TFCP2L1: variants seen among roughly 807,000 people sequenced by gnomAD.
TFCP2L1 encodes the protein transcription factor CP2 like 1.
A neutral mutation model predicts 72.2 loss-of-function variants in TFCP2L1; 12 were observed. That is an observed-to-expected ratio of 0.17 (90% CI 0.11 to 0.27). The LOEUF (loss-of-function observed/expected upper bound fraction) is 0.27. Ranked by LOEUF, TFCP2L1 falls within the 10% of genes least tolerant of loss-of-function variation. The pLI is 1.00. For synonymous variants in TFCP2L1, 260 were observed against 251.0 expected (o/e 1.04, Z -0.34); for missense variants, 488 against 624.6 (o/e 0.78, Z 2.33).
At chr2:121,259,850 C>A (rs577750850) in intron 2 of TFCP2L1, among the ~76,000 whole-genome samples, 14 of 152,126 alleles carry the variant, frequency 9.2e-5, no homozygotes, top group African/African-American at 3.4e-4. Flanking sequence ...TGAAAAAAAA[C>A]AACTAGGGAT....
chr2:121,242,037 C>G (rs1177673994), intron 7 of TFCP2L1, among the ~76,000 whole-genome samples: 2 of 135,476 alleles, frequency 1.5e-5, no homozygotes, highest in Non-Finnish European at 3.0e-5. Context: ...GTTGTACACT[C>G]TCTTGTACCT....
At position 121,285,116 on chromosome 2, in the gene TFCP2L1, A is replaced by C; in HGVS notation, c.-7T>G. On this transcript the variant is annotated 5_prime_UTR_variant, in exon 1 of 15. Transcript: ENST00000263707. ...GCGTGTGCCAGAAGAGCATGGCTGGAACTCCCAGCGCGCCGACCGGGGCGC... is the reference window on the plus strand; with the variant it reads ...GCGTGTGCCAGAAGAGCATGGCTGGCACTCCCAGCGCGCCGACCGGGGCGC... 1 of 1,500,560 alleles carries C rather than the reference A, an allele frequency of 6.7e-7. No homozygotes were observed. The highest frequency in any genetic ancestry group is 8.9e-7 in the Non-Finnish European group (1 of 1,124,462). 93.0% of individuals were successfully genotyped at this position (1,500,560 alleles called of 1,614,324 possible).
At chr2:121,258,346 T>G (rs1198613791) in intron 2 of TFCP2L1, among the ~76,000 whole-genome samples, 1 of 152,198 alleles carries the variant, frequency 6.6e-6, no homozygotes, top group Non-Finnish European at 1.5e-5. Flanking sequence ...GACTCCAGTC[T>G]ATAGAGCTGC....
intron 13 of TFCP2L1, 62 bp from the exon 14 acceptor site, chr2:121,225,675 G>C: frequency 6.3e-7 from 1 of 1,585,494 alleles, no homozygotes; most frequent in Non-Finnish European, 8.7e-7. Flanking sequence ...GAAAGCCTCG[G>C]TGGCAGAGCC....
intron 2 of TFCP2L1, among the ~76,000 whole-genome samples, chr2:121,254,951 C>G (rs1181132935): frequency 6.6e-6 from 1 of 152,212 alleles, no homozygotes. Context: ...ACCTGGCTCT[C>G]CAGATGAGTG....
rs763525523 is a variant in TFCP2L1, at chr2:121,237,889, C to T, written c.861-39G>A. The T allele has an allele frequency of 1.4e-5, 22 of 1,610,262 alleles. No homozygotes were observed. In the Admixed American group the frequency reaches 3.2e-4, roughly 23 times the overall value. On this transcript the variant is annotated intron_variant, in intron 8 of 14. Transcript: ENST00000263707. ...GAACCAGTGATGAGGACAGAGGGGGCTCCCAGGGCAATGGCCACGGTCCCG... is the reference window on the plus strand; with the variant it reads ...GAACCAGTGATGAGGACAGAGGGGGTTCCCAGGGCAATGGCCACGGTCCCG...
At chr2:121,280,987 C>A in intron 2 of TFCP2L1, 133 bp downstream of exon 2, 1 of 1,081,674 alleles carries the variant, frequency 9.2e-7, no homozygotes, top group Non-Finnish European at 1.3e-6. Context: ...GAACCTGCAC[C>A]TGTTCTCTTT....
intron 2 of TFCP2L1, among the ~76,000 whole-genome samples, chr2:121,265,227 C>T (rs2104738016): frequency 6.6e-6 from 1 of 152,294 alleles, no homozygotes; most frequent in East Asian, 1.9e-4. Context: ...CAAAAGACCA[C>T]CACTTGTGTG....
intron 7 of TFCP2L1, chr2:121,239,969 C>T (rs900488301): frequency 5.7e-5 from 52 of 911,622 alleles, no homozygotes; most frequent in Admixed American, 1.2e-4. Context: ...AGAGAAAAAA[C>T]GAAACCAGCC....
chr2:121,274,958 T>C (rs1687115880), intron 2 of TFCP2L1, among the ~76,000 whole-genome samples: 1 of 151,540 alleles, frequency 6.6e-6, no homozygotes, highest in East Asian at 1.9e-4. Flanking sequence ...AAAAAAAAAT[T>C]ATTTAATACA....
At chr2:121,275,257 G>A (rs990345609) in intron 2 of TFCP2L1, among the ~76,000 whole-genome samples, 4 of 7,274 alleles carry the variant, frequency 5.5e-4, no homozygotes, top group South Asian at 3.9e-3. Context: ...GGCGGCGGGC[G>A]CCTGTAGTCG....
intron 2 of TFCP2L1, among the ~76,000 whole-genome samples, chr2:121,256,088 C>T (rs1686714603): frequency 1.3e-5 from 2 of 152,168 alleles, no homozygotes. Flanking sequence ...TTCTTCTACA[C>T]ATCTAAACCC....
chr2:121,236,906 C>T (rs1294237246), intron 10 of TFCP2L1, among the ~76,000 whole-genome samples: 1 of 152,224 alleles, frequency 6.6e-6, no homozygotes, highest in Non-Finnish European at 1.5e-5. Flanking sequence ...GTGGTTTATG[C>T]ATCTGTACTG....
At chr2:121,268,037 AG>A (rs1686968568) in intron 2 of TFCP2L1, among the ~76,000 whole-genome samples, 1 of 152,220 alleles carries the variant, frequency 6.6e-6, no homozygotes, top group South Asian at 2.1e-4. Flanking sequence ...GCTTGAGCCC[AG>A]GAATTCAAGA....
intron 2 of TFCP2L1, among the ~76,000 whole-genome samples, chr2:121,273,254 C>G (rs185921830): frequency 6.6e-5 from 10 of 152,254 alleles, no homozygotes; most frequent in Admixed American, 1.3e-4. Flanking sequence ...CCAGAAATCC[C>G]CATGCAGATT....
At position 121,269,918 on chromosome 2, in the gene TFCP2L1, A is replaced by AAAAAAAAAAAAAAAAAT; in HGVS notation, c.214+11201_214+11202insATTTTTTTTTTTTTTTT. Among the ~76,000 whole-genome samples the AAAAAAAAAAAAAAAAAT allele has an allele frequency of 2.8e-3, 323 of 115,076 alleles. 2 individuals carry two copies. The highest frequency in any genetic ancestry group is 4.9e-3 in the East Asian group (13 of 2,634). 75.5% of individuals were successfully genotyped at this position (115,076 alleles called of 152,430 possible). On this transcript the variant is annotated intron_variant, in intron 2 of 14. Coordinates refer to ENST00000263707, the MANE Select transcript of TFCP2L1 (RefSeq NM_014553.3). ...AGCAAGACTCCATCTAAAAAAAAAA[A>AAAAAAAAAAAAAAAAAT]ATATATATATATATATATGCAAAAG...
rs763366560 is a variant in TFCP2L1, at chr2:121,285,137, G to T, written c.-28C>A. 1.8e-5 allele frequency: 26 copies of T among 1,472,120 alleles called. No individual in the cohort carries two copies. The highest frequency in any genetic ancestry group is 2.1e-5 in the Non-Finnish European group (23 of 1,109,052). The allele number at this position is 1,472,120 out of a possible 1,614,324, so 91.2% of individuals were successfully genotyped here. On this transcript the variant is annotated 5_prime_UTR_variant, in exon 1 of 15. Transcript: ENST00000263707. ...CTGGAACTCCCAGCGCGCCGACCGG[G>T]GCGCGGCAGCAAGCGCAGACGCGGG...
At chr2:121,231,401 CCTT>C (rs1368575564) in intron 13 of TFCP2L1, among the ~76,000 whole-genome samples, 17 of 152,338 alleles carry the variant, frequency 1.1e-4, no homozygotes, top group Admixed American at 9.1e-4. Context: ...GGCTGTGGCA[CCTT>C]CACCACTTGG....
intron 2 of TFCP2L1, among the ~76,000 whole-genome samples, chr2:121,274,887 C>T (rs971565592): frequency 6.6e-6 from 1 of 151,742 alleles, no homozygotes; most frequent in Admixed American, 6.6e-5. Flanking sequence ...GCTGCAGGAG[C>T]CATGATTATG....
Sources: allele counts gnomAD v4.1 joint callset (sites outside exome capture counted in the v4.1 genomes callset), GRCh38; gene constraint gnomAD v4.1.1; transcripts MANE v1.5; gene names NCBI Gene and HGNC (gene_info 2026-07-23, HGNC 2026-07-21).